The following MTRFR variants were observed in gnomAD, a reference collection of about 807,000 sequenced individuals.
The protein encoded by MTRFR is probable peptide chain release factor C12orf65, mitochondrial.
In MTRFR, 10 loss-of-function variants were observed where a neutral mutation model predicts 11.9. The observed-to-expected ratio is 0.84, with a 90% confidence interval of 0.52 to 1.42. The LOEUF (loss-of-function observed/expected upper bound fraction) is 1.42. Among genes scored for constraint, MTRFR ranks in the 40% most tolerant of loss-of-function variants. The pLI is 0.00. For synonymous variants in MTRFR, 77 were observed against 79.1 expected, an observed-to-expected ratio of 0.97 and a Z score of 0.14; for missense variants, 196 against 197.9, an observed-to-expected ratio of 0.99 and a Z score of 0.06.
chr12:123,242,522 C>G (rs889131598), intron 1 of MTRFR, among the ~76,000 whole-genome samples: 1 of 152,120 alleles, frequency 6.6e-6, no homozygotes, highest in Non-Finnish European at 1.5e-5. Context: ...GTGTGTTTGT[C>G]ATTTTTAGCA....
At chr12:123,255,447 T>G (rs144799718) in intron 2 of MTRFR, among the ~76,000 whole-genome samples, 173 of 152,104 alleles carry the variant, frequency 1.1e-3, no homozygotes, top group African/African-American at 3.3e-3. Flanking sequence ...TCTTTAACCC[T>G]AATTTCATAG....
intron 2 of MTRFR, 35 bp from the exon 3 acceptor site, chr12:123,256,778 G>C (rs1234216084): frequency 6.5e-7 from 1 of 1,531,710 alleles, no homozygotes; most frequent in South Asian, 1.1e-5. Context: ...TTAACATCCT[G>C]TGGTTTTCAC....
chr12:123,242,376 T>C (rs1398004473), intron 1 of MTRFR, among the ~76,000 whole-genome samples: 1 of 152,188 alleles, frequency 6.6e-6, no homozygotes, highest in African/African-American at 2.4e-5. Flanking sequence ...CATTTTTCTT[T>C]TTCTCTTTTT....
At chr12:123,235,465 C>T (rs1250466857) in intron 1 of MTRFR, among the ~76,000 whole-genome samples, 6 of 151,866 alleles carry the variant, frequency 4.0e-5, no homozygotes, top group South Asian at 2.1e-4. Flanking sequence ...CCCAGGTTCA[C>T]GCCATTCTCC....
upstream of MTRFR, chr12:123,233,115 CG>C (rs1379837359): frequency 6.7e-6 from 1 of 148,932 alleles, no homozygotes; most frequent in Non-Finnish European, 1.5e-5. Context: ...GTCATGCAAG[CG>C]GCCTCTCGCG....
chr12:123,238,863 T>C (rs1255275347), intron 1 of MTRFR, among the ~76,000 whole-genome samples: 4 of 152,188 alleles, frequency 2.6e-5, no homozygotes, highest in Admixed American at 1.3e-4. Context: ...TAGAGCTACA[T>C]TGTCCCATAA....
intron 2 of MTRFR, among the ~76,000 whole-genome samples, chr12:123,256,198 T>C (rs1374947986): frequency 2.0e-5 from 3 of 152,220 alleles, no homozygotes; most frequent in Non-Finnish European, 4.4e-5. Context: ...ACTTTATGCT[T>C]ATGAATGGTG....
At chr12:123,248,950 G>C (rs1304059581) in intron 1 of MTRFR, 1 of 127,584 alleles carries the variant, frequency 7.8e-6, no homozygotes, top group Non-Finnish European at 1.8e-5. Context: ...AGTTCTCCAA[G>C]TCCCTAGATT....
At chr12:123,239,561 C>G (rs896387725) in intron 1 of MTRFR, among the ~76,000 whole-genome samples, 1 of 152,052 alleles carries the variant, frequency 6.6e-6, no homozygotes, top group African/African-American at 2.4e-5. Flanking sequence ...TGCAACCATG[C>G]CCAGCTAATT....
intron 1 of MTRFR, among the ~76,000 whole-genome samples, chr12:123,245,544 C>T (rs978891776): frequency 7.9e-5 from 12 of 152,146 alleles, no homozygotes; most frequent in African/African-American, 2.4e-4. Flanking sequence ...TTGTTTGTGT[C>T]ATCTATGATT....
intron 1 of MTRFR, among the ~76,000 whole-genome samples, chr12:123,235,405 G>A (rs2138736656): frequency 6.6e-6 from 1 of 150,822 alleles, no homozygotes; most frequent in Admixed American, 6.6e-5. Context: ...AACGTAGTGA[G>A]TTTTGTGTGT....
Position 123,253,862 on chromosome 12 carries a change from A to G in MTRFR, c.188A>G (p.Gln63Arg), listed in dbSNP as rs747580904. The G allele has an allele frequency of 6.2e-7, 1 of 1,614,210 alleles. No homozygotes were observed. Among genetic ancestry groups the G allele is most frequent in the Non-Finnish European group, 8.5e-7 (1 of 1,180,034 alleles). Residue 63 changes from glutamine (Q) to arginine (R), a missense_variant, in exon 2 of 3, where the codon CAG becomes CGG. Physicochemically the swap from Gln to Arg is conservative, Grantham distance 43. Transcript: ENST00000253233. ...LSLDENELEEQFVKGHGPGGQ... is the reference protein window; with the variant it reads ...LSLDENELEERFVKGHGPGGQ... The stretch of plus-strand genomic sequence containing the variant: ...TTGGATGAGAATGAACTCGAAGAGC[A>G]GTTTGTGAAAGGACACGGTCCAGGG...
At chr12:123,234,551 A>G (rs2047805273) in intron 1 of MTRFR, among the ~76,000 whole-genome samples, 1 of 152,076 alleles carries the variant, frequency 6.6e-6, no homozygotes, top group Non-Finnish European at 1.5e-5. Context: ...GCCCGCCACC[A>G]CATCCGGCTA....
chr12:123,241,148 T>TG (rs575565493), intron 1 of MTRFR, among the ~76,000 whole-genome samples: 2 of 43,276 alleles, frequency 4.6e-5, no homozygotes, highest in East Asian at 4.3e-4. Context: ...GTTGTTTTTT[T>TG]TTTGTTTTTG....
Position 123,257,044 on chromosome 12 carries a change from A to C in MTRFR, c.*13A>C, listed in dbSNP as rs527540475. On this transcript the variant is annotated 3_prime_UTR_variant, in exon 3 of 3. Coordinates refer to ENST00000253233, the MANE Select transcript of MTRFR (RefSeq NM_152269.5). ...AAAGGTCCACTGAGAAAAGAATTAG[A>C]GATTCCAACTGACAGAATCTGCCAG... 20 of 1,597,926 alleles carry C rather than the reference A, an allele frequency of 1.3e-5. No individual in the cohort carries two copies. In the South Asian group the frequency reaches 2.0e-4, roughly 16 times the overall value.
intron 1 of MTRFR, among the ~76,000 whole-genome samples, chr12:123,240,911 A>G (rs576005717): frequency 1.8e-4 from 28 of 151,992 alleles, no homozygotes; most frequent in Admixed American, 1.3e-3. Flanking sequence ...ATGGGATTTC[A>G]CCATGTTGGC....
At chr12:123,252,324 G>C (rs1394643778) in intron 1 of MTRFR, 1 of 152,052 alleles carries the variant, frequency 6.6e-6, no homozygotes, top group African/African-American at 2.4e-5. Flanking sequence ...TCACCTACTA[G>C]GGAGCCTGAG....
At chr12:123,241,298 T>C (rs2047932828) in intron 1 of MTRFR, among the ~76,000 whole-genome samples, 1 of 151,746 alleles carries the variant, frequency 6.6e-6, no homozygotes, top group East Asian at 1.9e-4. Flanking sequence ...AGCATTATTT[T>C]ATTTTTTATT....
chr12:123,257,235 C>T lies in MTRFR; in HGVS notation c.*204C>T, dbSNP rs944385145. Reference sequence around the variant, plus strand: ...TTCAAGAATAAAACTCGGCTGGGCACGGTGGACGGTGCCTCACATCTGTAA... The same window carrying T: ...TTCAAGAATAAAACTCGGCTGGGCATGGTGGACGGTGCCTCACATCTGTAA... On this transcript the variant is annotated 3_prime_UTR_variant, in exon 3 of 3. Transcript: ENST00000253233. 4.8e-5 allele frequency: 26 copies of T among 542,316 alleles called. No individual in the cohort carries two copies. The highest frequency in any genetic ancestry group is 9.5e-5 in the African/African-American group (5 of 52,692). The allele number at this position is 542,316 out of a possible 1,614,324, so 33.6% of individuals were successfully genotyped here.
Sources: gnomAD v4.1 joint callset for allele counts (sites outside exome capture counted in the v4.1 genomes callset) on GRCh38, gnomAD v4.1.1 for gene constraint, MANE v1.5 for transcripts, NCBI Gene and HGNC (gene_info 2026-07-23, HGNC 2026-07-21) for gene names.